The following FBXL5 variants were observed in gnomAD, a reference collection of about 807,000 sequenced individuals.
FBXL5 encodes F-box and leucine rich repeat protein 5.
In FBXL5, 26 loss-of-function variants were observed where a neutral mutation model predicts 78.3. That is an observed-to-expected ratio of 0.33 (90% confidence interval 0.24 to 0.46). FBXL5 has a LOEUF of 0.46. Among genes scored for constraint, FBXL5 ranks in the 20% least tolerant of loss-of-function variants. The pLI is 1.00. For missense variants in FBXL5, 710 were observed against 829.2 expected (o/e 0.86, Z 1.77); for synonymous variants, 295 against 282.5 (o/e 1.04, Z -0.45).
At chr4:15,627,748 T>C (rs935983215) in intron 7 of FBXL5, 137 bp downstream of exon 7, 11 of 674,366 alleles carry the variant, frequency 1.6e-5, no homozygotes, top group Non-Finnish European at 2.7e-5. Flanking sequence ...AACCTAGCAG[T>C]GTATGCCTAC....
At position 15,630,688 on chromosome 4, in the gene FBXL5, T is replaced by C; in HGVS notation, c.870A>G (p.Glu290=). ...TACCAGATTCATCAATGTCAGCATC[T>C]TCATCCCACTCATGAAAAGCACGAC... ...DESRAFHEWD[E]DADIDESEES... The change falls in exon 6 of 11, where the codon GAA becomes GAG. Residue 290 remains glutamate (E), a synonymous_variant. Transcript: ENST00000341285. 1 of 1,594,304 alleles carries C rather than the reference T, an allele frequency of 6.3e-7. No individual in the cohort carries two copies. Among genetic ancestry groups the C allele is most frequent in the East Asian group, 2.3e-5 (1 of 44,402 alleles).
Position 15,678,649 on chromosome 4 carries a change from T to C in FBXL5, c.-284+2734A>G, listed in dbSNP as rs528620540. 1.2e-3 allele frequency among the ~76,000 whole-genome samples: 178 copies of C among 152,344 alleles called. 3 individuals are homozygous for C. The South Asian group carries it at 0.034, about 29-fold the overall frequency. ...TCTGCATTCCTTCCTAGGTAGAGCATTAATTTAAGTATATTTACCTAAAAT... is the reference window on the plus strand; with the variant it reads ...TCTGCATTCCTTCCTAGGTAGAGCACTAATTTAAGTATATTTACCTAAAAT... On this transcript the variant is annotated intron_variant, in intron 1 of 4. Coordinates refer to the FBXL5 transcript ENST00000507899.
At chr4:15,608,897 T>G (rs1722058787) in intron 10 of FBXL5, among the ~76,000 whole-genome samples, 1 of 152,186 alleles carries the variant, frequency 6.6e-6, no homozygotes, top group Non-Finnish European at 1.5e-5. Flanking sequence ...AGACAAGCAC[T>G]GTTTTAAACT....
At chr4:15,623,972 G>T (rs1173137446) in intron 9 of FBXL5, among the ~76,000 whole-genome samples, 1 of 151,800 alleles carries the variant, frequency 6.6e-6, no homozygotes, top group Non-Finnish European at 1.5e-5. Flanking sequence ...ACAGGTGCCC[G>T]CCACCGTGCC....
intron 2 of FBXL5, among the ~76,000 whole-genome samples, chr4:15,641,181 C>T (rs766013144): frequency 3.3e-5 from 5 of 152,082 alleles, no homozygotes; most frequent in Non-Finnish European, 5.9e-5. Flanking sequence ...ATAATTTCTA[C>T]ATGTCAGTTC....
chr4:15,606,993 T>C (rs186323857), intron 10 of FBXL5, among the ~76,000 whole-genome samples: 1 of 152,352 alleles, frequency 6.6e-6, no homozygotes, highest in African/African-American at 2.4e-5. Flanking sequence ...AAATTTAACT[T>C]TTCCTTATAT....
Position 15,646,781 on chromosome 4 carries a change from T to C in FBXL5, c.85-2073A>G, listed in dbSNP as rs1047176184. Among the ~76,000 whole-genome samples, 3 of 148,802 alleles carry C rather than the reference T, an allele frequency of 2.0e-5. No individual in the cohort carries two copies. The Admixed American group carries it at 2.0e-4, about 10-fold the overall frequency. ...CTCATTGTTCAATTCCCACTATGAG[T>C]GAGAACATGCGGTGTTTGGTTTTTT... On this transcript the variant is annotated intron_variant, in intron 1 of 10. Coordinates refer to ENST00000341285, the MANE Select transcript of FBXL5 (RefSeq NM_012161.4).
chr4:15,638,554 C>T lies in FBXL5; in HGVS notation c.537G>A (p.Glu179=). 5.0e-6 allele frequency: 8 copies of T among 1,602,940 alleles called. No individual in the cohort carries two copies. Among genetic ancestry groups the T allele is most frequent in the Non-Finnish European group, 6.8e-6 (8 of 1,177,294 alleles). ...RGLSLWNHAE[E]RQKFFKYSVD... ...CGGAATATTTAAAAAACTTCTGTCG[C>T]TCTTCAGCATGATTCCATAGGCTAA... The change falls in exon 4 of 11, where the codon GAG becomes GAA. Residue 179 remains glutamate (E), a synonymous_variant. Transcript: ENST00000341285.
intron 1 of FBXL5, among the ~76,000 whole-genome samples, chr4:15,677,016 A>C (rs1319557013): frequency 6.6e-6 from 1 of 152,200 alleles, no homozygotes; most frequent in African/African-American, 2.4e-5. Context: ...CATGCACTAC[A>C]ACTCCGTTTA....
intron 9 of FBXL5, among the ~76,000 whole-genome samples, chr4:15,624,374 T>A (rs1191617837): frequency 6.6e-6 from 1 of 152,166 alleles, no homozygotes; most frequent in Non-Finnish European, 1.5e-5. Context: ...TAAGGTTAAG[T>A]ATTTTGCACA....
chr4:15,625,990 GAC>G lies in FBXL5; in HGVS notation c.1125-15_1125-14del, dbSNP rs769455186. 4 of 1,543,464 alleles carry G rather than the reference GAC, an allele frequency of 2.6e-6. No individual in the cohort carries two copies. In the Admixed American group the frequency reaches 6.6e-5, roughly 25 times the overall value. ...AAGCCAAGACCAACTATAATTAAAA[GAC>G]AAGACTATTAATGAATATTGTTAAA... On this transcript the variant is annotated splice_polypyrimidine_tract_variant and intron_variant, in intron 8 of 10. Coordinates refer to ENST00000341285, the MANE Select transcript of FBXL5 (RefSeq NM_012161.4).
intron 1 of FBXL5, among the ~76,000 whole-genome samples, chr4:15,652,633 A>C (rs1200552019): frequency 6.6e-6 from 1 of 152,220 alleles, no homozygotes; most frequent in Non-Finnish European, 1.5e-5. Context: ...CTAAAAAATA[A>C]GTAGACTAAC....
At chr4:15,651,301 A>G (rs1301237091) in intron 1 of FBXL5, among the ~76,000 whole-genome samples, 1 of 152,208 alleles carries the variant, frequency 6.6e-6, no homozygotes, top group Non-Finnish European at 1.5e-5. Context: ...GGGCTTCCGA[A>G]GGGGAAAAAA....
At chr4:15,675,665 T>C (rs1717964899) in intron 1 of FBXL5, among the ~76,000 whole-genome samples, 1 of 143,954 alleles carries the variant, frequency 6.9e-6, no homozygotes, top group Non-Finnish European at 1.5e-5. Flanking sequence ...CACTGCAACC[T>C]CTGCCTCCCA....
intron 10 of FBXL5, 102 bp downstream of exon 10, chr4:15,612,164 G>A: frequency 1.1e-6 from 1 of 901,288 alleles, no homozygotes; most frequent in Non-Finnish European, 1.6e-6. Context: ...AGATAGTCTG[G>A]GAATTAGAAA....
chr4:15,636,459 A>G (rs768825277), intron 5 of FBXL5, 35 bp downstream of exon 5: 4 of 1,448,896 alleles, frequency 2.8e-6, no homozygotes, highest in Non-Finnish European at 3.7e-6. Flanking sequence ...ATCTAGAAAA[A>G]TACATGAAAA....
rs894918751 is a variant in FBXL5 at position 15,638,582 on chromosome 4, C to T, written c.509G>A (p.Gly170Asp). 1.2e-6 allele frequency: 2 copies of T among 1,613,334 alleles called. No homozygotes were observed. Among genetic ancestry groups the T allele is most frequent in the Non-Finnish European group, 1.7e-6 (2 of 1,179,620 alleles). ...SQKDTAELLR[G>D]LSLWNHAEER... is the part of the protein sequence containing the mutation. Reference sequence around the variant, plus strand: ...TTCAGCATGATTCCATAGGCTAAGACCTCTAAGGAGTTCTGCAGTATCCTT... The same window carrying T: ...TTCAGCATGATTCCATAGGCTAAGATCTCTAAGGAGTTCTGCAGTATCCTT... The change falls in exon 4 of 11, where the codon GGT becomes GAT. Residue 170 changes from glycine (G) to aspartate (D), a missense_variant. Gly to Asp is a moderately conservative substitution (Grantham distance 94). Transcript: ENST00000341285.
At chr4:15,667,179 T>C (rs1228953177) in intron 1 of FBXL5, among the ~76,000 whole-genome samples, 3 of 152,216 alleles carry the variant, frequency 2.0e-5, no homozygotes, top group South Asian at 2.1e-4. Flanking sequence ...ATACACGTCG[T>C]AGTACTTAGG....
chr4:15,639,888 G>A (rs570194650), intron 3 of FBXL5, among the ~76,000 whole-genome samples: 2 of 152,292 alleles, frequency 1.3e-5, no homozygotes, highest in African/African-American at 4.8e-5. Context: ...CTGATTTACA[G>A]CTGAACAGGT....
Sources: allele counts gnomAD v4.1 joint callset (sites outside exome capture counted in the v4.1 genomes callset), GRCh38; gene constraint gnomAD v4.1.1; transcripts MANE v1.5; gene names NCBI Gene and HGNC (gene_info 2026-07-23, HGNC 2026-07-21).